Variants in KIAA1549L observed in about 807,000 individuals in gnomAD.
KIAA1549L encodes the protein KIAA1549 like.
A neutral mutation model predicts 160.7 loss-of-function variants in KIAA1549L; 88 were observed. The ratio of observed to expected loss-of-function variants is 0.55; its 90% CI spans 0.46 to 0.65. The LOEUF is 0.65. Ranked by LOEUF, KIAA1549L falls within the 30% of genes least tolerant of loss-of-function variation. KIAA1549L has a pLI of 0.00. For synonymous variants in KIAA1549L, 950 were observed against 976.7 expected, an observed-to-expected ratio of 0.97 and a Z score of 0.51; for missense variants, 2,258 against 2,437.5, an observed-to-expected ratio of 0.93 and a Z score of 1.55.
chr11:33,606,796 G>A lies in KIAA1549L; in HGVS notation c.5035G>A (p.Glu1679Lys), dbSNP rs1369905856. The A allele has an allele frequency of 1.2e-6, 2 of 1,611,982 alleles. No homozygotes were observed. Among genetic ancestry groups the A allele is most frequent in the Admixed American group, 1.7e-5 (1 of 59,768 alleles). Residue 1679 changes from glutamate (E) to lysine (K), a missense_variant, in exon 14 of 21, where the codon GAG becomes AAG. Physicochemically the swap from Glu to Lys is moderately conservative, Grantham distance 56 (BLOSUM62 1). This residue lies in a region of KIAA1549L where 1,359 missense variants were observed against 1,546.6 expected (regional missense o/e 0.88). Coordinates refer to ENST00000658780, the MANE Select transcript of KIAA1549L (RefSeq NM_012194.3). ...MVPPTSDRSQ[E>K]SSAVLNGEVN... Reference sequence around the variant, plus strand: ...GCCCCCCACCTCGGACAGGAGCCAGGAGTCATCGGCAGTCCTCAACGGCGA... The same window carrying A: ...GCCCCCCACCTCGGACAGGAGCCAGAAGTCATCGGCAGTCCTCAACGGCGA...
At chr11:33,620,076 A>G (rs980271290) in intron 16 of KIAA1549L, among the ~76,000 whole-genome samples, 2 of 152,216 alleles carry the variant, frequency 1.3e-5, no homozygotes, top group African/African-American at 4.8e-5. Flanking sequence ...GTTTTGAGGA[A>G]ATGGGTCAGA....
intron 1 of KIAA1549L, among the ~76,000 whole-genome samples, chr11:33,411,317 T>C (rs1330754477): frequency 6.6e-6 from 1 of 152,204 alleles, no homozygotes; most frequent in South Asian, 2.1e-4. Context: ...TGGCTGCACA[T>C]GAGACCCACT....
At chr11:33,648,831 C>A (rs889737917) in intron 17 of KIAA1549L, among the ~76,000 whole-genome samples, 5 of 152,126 alleles carry the variant, frequency 3.3e-5, no homozygotes, top group Admixed American at 3.3e-4. Context: ...AAAAAGACAA[C>A]AGGGCTAACA....
chr11:33,568,708 G>C (rs1397389666), intron 9 of KIAA1549L, among the ~76,000 whole-genome samples: 2 of 152,164 alleles, frequency 1.3e-5, no homozygotes, highest in Non-Finnish European at 2.9e-5. Flanking sequence ...GCTTATAGTG[G>C]ACACCTGGCC....
rs1854163073 is a variant in KIAA1549L at position 33,544,433 on chromosome 11, C to A, written c.2773+97C>A. 4 of 1,309,570 alleles carry A rather than the reference C, an allele frequency of 3.1e-6. No homozygotes were observed. In the Admixed American group the frequency reaches 5.7e-5, roughly 19 times the overall value. The allele number at this position is 1,309,570 out of a possible 1,614,324, so 81.1% of individuals were successfully genotyped here. A position where few individuals can be genotyped will look rare whatever the true frequency, so the allele number is the denominator to read the frequency against. On this transcript the variant is annotated intron_variant, in intron 2 of 20. Coordinates refer to ENST00000658780, the MANE Select transcript of KIAA1549L (RefSeq NM_012194.3). ...GCATCTTCAAGCTCAACGCAGATAC[C>A]AGCTTTGCTCTGAAGGAGCTCATAC...
intron 13 of KIAA1549L, among the ~76,000 whole-genome samples, chr11:33,599,818 A>G (rs894979798): frequency 6.6e-6 from 1 of 152,184 alleles, no homozygotes; most frequent in African/African-American, 2.4e-5. Context: ...CATATCAGGG[A>G]AAAGTCCTTT....
At chr11:33,629,171 G>A (rs1851205412) in intron 16 of KIAA1549L, among the ~76,000 whole-genome samples, 1 of 152,130 alleles carries the variant, frequency 6.6e-6, no homozygotes, top group Non-Finnish European at 1.5e-5. Flanking sequence ...AGTCTGATGG[G>A]CTTCCCCCTT....
chr11:33,631,790 G>A lies in KIAA1549L; in HGVS notation c.5409+13128G>A, dbSNP rs139363945. On this transcript the variant is annotated intron_variant, in intron 16 of 20. Transcript: ENST00000658780. ...AACTTCCATTAGTTAGTTCACTTGT[G>A]TTATTTCCCCATGCAACTCCTCGAG... is the stretch of plus-strand genomic sequence containing the variant. Among the ~76,000 whole-genome samples the A allele has an allele frequency of 5.9e-5, 9 of 152,230 alleles. No individual in the cohort carries two copies. In the East Asian group the frequency reaches 1.7e-3, roughly 29 times the overall value.
intron 7 of KIAA1549L, among the ~76,000 whole-genome samples, chr11:33,560,522 C>A (rs1015485520): frequency 1.3e-5 from 2 of 152,136 alleles, no homozygotes; most frequent in Admixed American, 6.5e-5. Flanking sequence ...TGCTGAGGTC[C>A]CCGTAGTCTT....
Position 33,516,767 on chromosome 11 carries a change from C to CT in KIAA1549L, c.239-25026dup, listed in dbSNP as rs994838458. 2.5e-4 allele frequency among the ~76,000 whole-genome samples: 38 copies of CT among 151,418 alleles called. No homozygotes were observed. In the East Asian group the frequency reaches 3.9e-3, roughly 15 times the overall value. Reference sequence around the variant, plus strand: ...TCTCCTATGGCTGAAGAATTGGCAACTTTTTTTTTAGCAAAGGTATGGAAT... The same window carrying CT: ...TCTCCTATGGCTGAAGAATTGGCAACTTTTTTTTTTAGCAAAGGTATGGAAT... On this transcript the variant is annotated intron_variant, in intron 1 of 20. Coordinates refer to ENST00000658780, the MANE Select transcript of KIAA1549L (RefSeq NM_012194.3).
chr11:33,599,083 A>T, intron 13 of KIAA1549L, 136 bp downstream of exon 13: 2 of 1,026,106 alleles, frequency 1.9e-6, no homozygotes, highest in Non-Finnish European at 2.8e-6. Flanking sequence ...ATTCTGCCCC[A>T]CAAGGGCCAG....
chr11:33,522,937 A>G (rs1392771566), intron 1 of KIAA1549L, among the ~76,000 whole-genome samples: 2 of 152,042 alleles, frequency 1.3e-5, no homozygotes, highest in Non-Finnish European at 2.9e-5. Flanking sequence ...TACATTTGTT[A>G]TAGCATTTTA....
intron 6 of KIAA1549L, among the ~76,000 whole-genome samples, chr11:33,557,182 T>G (rs1467913266): frequency 6.6e-6 from 1 of 152,014 alleles, no homozygotes; most frequent in African/African-American, 2.4e-5. Context: ...AGAGACAGGA[T>G]TTTGCCATGT....
chr11:33,530,414 GAAAAAAAAAAA>G (rs71457306), intron 1 of KIAA1549L, among the ~76,000 whole-genome samples: 374 of 16,328 alleles, frequency 0.023, 4 homozygotes, highest in East Asian at 0.037. Flanking sequence ...GAAGAAGAAG[GAAAAAAAAAAA>G]AAAAAAAAAA....
chr11:33,598,760 T>C, intron 12 of KIAA1549L, 60 bp from the exon 13 acceptor site: 3 of 1,598,332 alleles, frequency 1.9e-6, no homozygotes, highest in South Asian at 2.2e-5. Context: ...AAAATAACCT[T>C]GAGAGGCGGC....
intron 1 of KIAA1549L, among the ~76,000 whole-genome samples, chr11:33,511,421 G>A (rs1289450091): frequency 6.6e-6 from 1 of 152,186 alleles, no homozygotes; most frequent in Admixed American, 6.5e-5. Context: ...GATAACATAT[G>A]TCAAATATCT....
At chr11:33,384,510 G>A (rs983672670) in intron 1 of KIAA1549L, among the ~76,000 whole-genome samples, 1 of 152,144 alleles carries the variant, frequency 6.6e-6, no homozygotes, top group Non-Finnish European at 1.5e-5. Context: ...ATAAGAAACT[G>A]CCAAACTGTT....
Position 33,502,877 on chromosome 11 carries a change from G to A in KIAA1549L, c.239-38925G>A, listed in dbSNP as rs532352765. ...TAACCTTGTACAGTTGTCTGTCAAG[G>A]TCAGATGAGATTGTAAACAGATAAA... On this transcript the variant is annotated intron_variant, in intron 1 of 20. Transcript: ENST00000658780. 3.1e-4 allele frequency among the ~76,000 whole-genome samples: 47 copies of A among 152,288 alleles called. No homozygotes were observed. In the South Asian group the frequency reaches 9.7e-3, roughly 32 times the overall value.
At chr11:33,389,615 CT>C (rs941609808) in intron 1 of KIAA1549L, among the ~76,000 whole-genome samples, 4 of 152,110 alleles carry the variant, frequency 2.6e-5, no homozygotes, top group African/African-American at 9.7e-5. Flanking sequence ...GAAACTGAAC[CT>C]TTTTTTCCAG....
Sources: gnomAD v4.1 joint callset for allele counts (sites outside exome capture counted in the v4.1 genomes callset) on GRCh38, gnomAD v4.1.1 for gene constraint, gnomAD v4.1.1 regional missense constraint, MANE v1.5 for transcripts, NCBI Gene and HGNC (gene_info 2026-07-23, HGNC 2026-07-21) for gene names.